TBCE: variants seen among roughly 807,000 people sequenced by gnomAD.
TBCE encodes the protein tubulin-specific chaperone E.
TBCE carries 53 observed loss-of-function variants against 77.0 expected under a neutral mutation model. The observed-to-expected ratio is 0.69, with a 90% CI of 0.55 to 0.87. The LOEUF is 0.87. Ranked by LOEUF, TBCE falls within the 40% of genes least tolerant of loss-of-function variation. TBCE has a pLI of 0.00. For missense variants in TBCE, 624 were observed against 622.4 expected (o/e 1.00, Z -0.03); for synonymous variants, 235 against 241.3 (o/e 0.97, Z 0.24).
chr1:235,433,007 T>G, intron 7 of TBCE: 1 of 1,522,302 alleles, frequency 6.6e-7, no homozygotes. Context: ...GCCAGCAAGT[T>G]CGTGGATCTG....
At chr1:235,413,410 C>A (rs760609794) in intron 3 of TBCE, among the ~76,000 whole-genome samples, 235 of 151,684 alleles carry the variant, frequency 1.5e-3, no homozygotes, top group Non-Finnish European at 2.7e-3. Context: ...GCCTGTAATC[C>A]CAGCACTTTG....
intron 8 of TBCE, 60 bp downstream of exon 8, chr1:235,434,340 A>T: frequency 1.4e-6 from 2 of 1,409,692 alleles, no homozygotes; most frequent in Non-Finnish European, 2.0e-6. Context: ...GAGTAAATAA[A>T]TGGTCTCAAT....
At chr1:235,401,311 C>T (rs1301280772) in intron 2 of TBCE, among the ~76,000 whole-genome samples, 192 bp from the exon 3 acceptor site, 1 of 152,034 alleles carries the variant, frequency 6.6e-6, no homozygotes, top group African/African-American at 2.4e-5. Flanking sequence ...TTTTTGTTGG[C>T]TTTTTCACCC....
At chr1:235,419,176 C>T in intron 4 of TBCE, 1 of 447,302 alleles carries the variant, frequency 2.2e-6, no homozygotes, top group South Asian at 2.1e-5. Context: ...CACTGCACTC[C>T]AGCCTGGGCA....
At chr1:235,414,696 A>G in intron 4 of TBCE, 78 bp downstream of exon 4, 1 of 1,393,260 alleles carries the variant, frequency 7.2e-7, no homozygotes, top group East Asian at 2.4e-5. Context: ...ATGACTGTAT[A>G]TGGATGCTCA....
rs1269145259 is a variant in TBCE, at chr1:235,448,839, C to A, written c.*77C>A. The A allele has an allele frequency of 3.0e-5, 32 of 1,079,738 alleles. No individual in the cohort carries two copies. Among genetic ancestry groups the A allele is most frequent in the Non-Finnish European group, 4.4e-5 (31 of 707,250 alleles). The allele number at this position is 1,079,738 out of a possible 1,614,324, so 66.9% of individuals were successfully genotyped here. A position where few individuals can be genotyped will look rare whatever the true frequency, so the allele number is the denominator to read the frequency against. The stretch of plus-strand genomic sequence containing the variant: ...ACCGGAAATAAATGATTCACTGGAA[C>A]AATTCTACTGTCAAAACAAAGGGGG... On this transcript the variant is annotated 3_prime_UTR_variant, in exon 17 of 17. Transcript: ENST00000642610.
chr1:235,434,708 C>T (rs1414164572), intron 8 of TBCE, among the ~76,000 whole-genome samples: 1 of 151,222 alleles, frequency 6.6e-6, no homozygotes, highest in Non-Finnish European at 1.5e-5. Context: ...GGCTAATTTT[C>T]TTTATTTTTA....
Position 235,380,015 on chromosome 1 carries a change from C to G in TBCE, c.-31-4C>G, listed in dbSNP as rs758459290. ...TCTTATCAGTGTTGTATTTTTCTTC[C>G]TAGATCTCATATTTTGGATTCTGGA... On this transcript the variant is annotated splice_region_variant and splice_polypyrimidine_tract_variant and intron_variant, in intron 1 of 16. Transcript: ENST00000642610. 2 of 1,542,812 alleles carry G rather than the reference C, an allele frequency of 1.3e-6. No homozygotes were observed. Among genetic ancestry groups the G allele is most frequent in the Admixed American group, 3.3e-5 (2 of 59,758 alleles).
intron 15 of TBCE, among the ~76,000 whole-genome samples, chr1:235,443,557 G>A (rs1001462444): frequency 6.6e-6 from 1 of 152,110 alleles, no homozygotes; most frequent in African/African-American, 2.4e-5. Flanking sequence ...ATAGCCTTTT[G>A]GAAGCATTCC....
intron 3 of TBCE, among the ~76,000 whole-genome samples, chr1:235,411,250 T>A (rs1679765399): frequency 6.6e-6 from 1 of 152,362 alleles, no homozygotes; most frequent in South Asian, 2.1e-4. Context: ...GGGACACAGG[T>A]CAGGAACTGT....
At position 235,438,764 on chromosome 1, in the gene TBCE, C is replaced by A; in HGVS notation, c.1117-5C>A. 6.2e-7 allele frequency: 1 copy of A among 1,614,100 alleles called. No homozygotes were observed. The highest frequency in any genetic ancestry group is 8.5e-7 in the Non-Finnish European group (1 of 1,180,012). On this transcript the variant is annotated splice_region_variant and splice_polypyrimidine_tract_variant and intron_variant, in intron 12 of 16. Transcript: ENST00000642610. ...TAGGCTTGTTTTTATGTCACATGAACATAGATTCTCCCCGAGGAGAGGCGG... is the reference window on the plus strand; with the variant it reads ...TAGGCTTGTTTTTATGTCACATGAAAATAGATTCTCCCCGAGGAGAGGCGG...
At chr1:235,427,109 GAAA>G (rs754244789) in intron 5 of TBCE, 28 bp from the exon 6 acceptor site, 31 of 1,458,894 alleles carry the variant, frequency 2.1e-5, no homozygotes, top group Non-Finnish European at 2.9e-5. Flanking sequence ...TGAATCTTTT[GAAA>G]TTACTGTTTC....
Position 235,452,180 on chromosome 1 carries a change from T to C in TBCE, c.*3418T>C, listed in dbSNP as rs1261764675. 6.6e-6 allele frequency: 1 copy of C among 151,914 alleles called. No individual in the cohort carries two copies. Among genetic ancestry groups the C allele is most frequent in the Non-Finnish European group, 1.5e-5 (1 of 68,006 alleles). The allele number at this position is 151,914 out of a possible 1,614,324, so 9.4% of individuals were successfully genotyped here. ...GGCGCCCGCCACTATGCCTGGCTAA[T>C]TTTTTTTGTATTTTTAGTAGAGATG... On this transcript the variant is annotated 3_prime_UTR_variant, in exon 17 of 17. Coordinates refer to ENST00000642610, the MANE Select transcript of TBCE (RefSeq NM_003193.5).
rs763347083 is a variant in TBCE, at chr1:235,448,745, C to CTAT, written c.1570_1572dup (p.Leu524dup). 5 of 1,613,140 alleles carry CTAT rather than the reference C, an allele frequency of 3.1e-6. No homozygotes were observed. The highest frequency in any genetic ancestry group is 4.2e-6 in the Non-Finnish European group (5 of 1,179,248). On this transcript the variant is annotated inframe_insertion, in exon 17 of 17. Coordinates refer to ENST00000642610, the MANE Select transcript of TBCE (RefSeq NM_003193.5). Reference sequence around the variant, plus strand: ...TTATTCTGTGGAAAATGGAGATTGTCTATTAGTGCGATGGTGACAACCAAC... The same window carrying CTAT: ...TTATTCTGTGGAAAATGGAGATTGTCTATTATTAGTGCGATGGTGACAACCAAC...
intron 5 of TBCE, 117 bp from the exon 6 acceptor site, chr1:235,427,023 C>G (rs986621711): frequency 6.9e-6 from 5 of 724,572 alleles, no homozygotes; most frequent in Non-Finnish European, 1.2e-5. Context: ...AAATTTGAAG[C>G]TGACTAGAGG....
In TBCE at chr1:235,449,089, C is replaced by CTGTCATAAGACTAGTTT. The variant is rs1368342958; in HGVS notation, c.*329_*345dup. 6 of 309,640 alleles carry CTGTCATAAGACTAGTTT rather than the reference C, an allele frequency of 1.9e-5. No homozygotes were observed. Among genetic ancestry groups the CTGTCATAAGACTAGTTT allele is most frequent in the African/African-American group, 1.1e-4 (5 of 44,538 alleles). The allele number at this position is 309,640 out of a possible 1,614,324, so 19.2% of individuals were successfully genotyped here. A position where few individuals can be genotyped will look rare whatever the true frequency, so the allele number is the denominator to read the frequency against. On this transcript the variant is annotated 3_prime_UTR_variant, in exon 17 of 17. Transcript: ENST00000642610. ...AATAAAATCTGAACACAGTTAATAT[C>CTGTCATAAGACTAGTTT]TGTCATAAGACTAGTTTTAATGGAA...
chr1:235,442,814 T>C, intron 14 of TBCE, 38 bp from the exon 15 acceptor site: 1 of 1,587,874 alleles, frequency 6.3e-7, no homozygotes, highest in Non-Finnish European at 8.6e-7. Flanking sequence ...CATATAATAG[T>C]AGATATCAAT....
intron 2 of TBCE, among the ~76,000 whole-genome samples, chr1:235,389,176 A>C (rs1312549649): frequency 6.6e-6 from 1 of 152,260 alleles, no homozygotes; most frequent in East Asian, 1.9e-4. Flanking sequence ...ATAGTTTAGC[A>C]AACGTGAAGT....
rs773213681 is a variant in TBCE at position 235,436,450 on chromosome 1, G to T, written c.898G>T (p.Gly300Trp). 1.9e-6 allele frequency: 3 copies of T among 1,613,756 alleles called. No individual in the cohort carries two copies. The highest frequency in any genetic ancestry group is 2.5e-6 in the Non-Finnish European group (3 of 1,179,766). The change falls in exon 10 of 17, where the codon GGG becomes TGG. Residue 300 changes from glycine (G) to tryptophan (W), a missense_variant and splice_region_variant. Physicochemically the swap from Gly to Trp is radical, Grantham distance 184. Transcript: ENST00000642610. ...TCTACATTTTCCGGATGCTGGAATT[G>T]GTATATAAGATTAGTAAAGTTCCCC... ...SSLHFPDAGI[G>W]CKTSMFPSLK... is the part of the protein sequence containing the mutation.
Sources: allele counts gnomAD v4.1 joint callset (sites outside exome capture counted in the v4.1 genomes callset), GRCh38; gene constraint gnomAD v4.1.1; transcripts MANE v1.5; gene names NCBI Gene and HGNC (gene_info 2026-07-23, HGNC 2026-07-21).